The following BRSK2 variants were observed in gnomAD, a reference collection of about 807,000 sequenced individuals.
BRSK2 encodes the protein serine/threonine-protein kinase BRSK2.
In BRSK2, 19 loss-of-function variants were observed where a neutral mutation model predicts 83.3. The ratio of observed to expected loss-of-function variants is 0.23; its 90% CI spans 0.16 to 0.33. The LOEUF is 0.33. BRSK2 is among the 10% of genes least tolerant of loss of function. The probability of loss-of-function intolerance (pLI) is 1.00; values close to 1 mark genes in which losing one functional copy is unlikely to be tolerated. For missense variants in BRSK2, 798 were observed against 1,042.3 expected (o/e 0.77, Z 3.23); for synonymous variants, 519 against 435.4 (o/e 1.19, Z -2.39).
intron 1 of BRSK2, among the ~76,000 whole-genome samples, chr11:1,401,737 G>A (rs1777397454): frequency 1.3e-5 from 2 of 152,238 alleles, no homozygotes; most frequent in Admixed American, 6.5e-5. Context: ...GAGGAGGAAA[G>A]GACCTTATGC....
chr11:1,394,539 C>T (rs1845938144), intron 1 of BRSK2, among the ~76,000 whole-genome samples: 2 of 59,500 alleles, frequency 3.4e-5, no homozygotes, highest in African/African-American at 7.1e-5. Context: ...TGGAGATGGG[C>T]CATGGAGATG....
intron 18 of BRSK2, 85 bp from the exon 19 acceptor site, chr11:1,459,107 C>T: frequency 7.2e-7 from 1 of 1,383,486 alleles, no homozygotes; most frequent in East Asian, 2.3e-5. Context: ...CACCCCCTCC[C>T]CATCGAGGCT....
At chr11:1,421,092 G>A (rs1002843244) in intron 1 of BRSK2, among the ~76,000 whole-genome samples, 3 of 152,168 alleles carry the variant, frequency 2.0e-5, no homozygotes. Context: ...GGCTGCCTGT[G>A]GGCTCCTGGC....
At chr11:1,396,244 C>T (rs1458904434) in intron 1 of BRSK2, among the ~76,000 whole-genome samples, 4 of 129,096 alleles carry the variant, frequency 3.1e-5, no homozygotes, top group Non-Finnish European at 4.9e-5. Context: ...ACCCACGTCC[C>T]CCACTCCTGG....
At chr11:1,391,575 G>A (rs993545283) in intron 1 of BRSK2, among the ~76,000 whole-genome samples, 5 of 152,154 alleles carry the variant, frequency 3.3e-5, no homozygotes, top group Admixed American at 6.5e-5. Flanking sequence ...ACAGCCTTCC[G>A]CCACCCGCCA....
intron 18 of BRSK2, among the ~76,000 whole-genome samples, chr11:1,458,308 C>T (rs1429994422): frequency 2.6e-5 from 4 of 152,138 alleles, no homozygotes; most frequent in African/African-American, 9.7e-5. Flanking sequence ...CAACTCCAAG[C>T]CCCTCTCCAT....
Position 1,447,126 on chromosome 11 carries a change from G to C in BRSK2, c.1226+1219G>C, listed in dbSNP as rs543647130. ...TTCCAACGTGGGGTCCCAGCCCCCA[G>C]AACCTCCTTCCCAGGGCCCAGTCAG... is the stretch of plus-strand genomic sequence containing the variant. On this transcript the variant is annotated intron_variant, in intron 12 of 19. Transcript: ENST00000528841. Among the ~76,000 whole-genome samples the C allele has an allele frequency of 5.9e-5, 9 of 152,114 alleles. No individual in the cohort carries two copies. The South Asian group carries it at 1.9e-3, about 32-fold the overall frequency.
intron 1 of BRSK2, among the ~76,000 whole-genome samples, chr11:1,393,742 C>A (rs1314730023): frequency 1.3e-5 from 2 of 152,110 alleles, no homozygotes; most frequent in African/African-American, 2.4e-5. Flanking sequence ...CTGGGGGTGA[C>A]CCCAGGCCCA....
rs1845739996 is a variant in BRSK2 at position 1,450,893 on chromosome 11, C to T, written c.1495+99C>T. 2.5e-6 allele frequency: 3 copies of T among 1,210,618 alleles called. No individual in the cohort carries two copies. The South Asian group carries it at 4.8e-5, about 19-fold the overall frequency. The allele number at this position is 1,210,618 out of a possible 1,614,324, so 75.0% of individuals were successfully genotyped here. On this transcript the variant is annotated intron_variant, in intron 14 of 19. Coordinates refer to ENST00000528841, the MANE Select transcript of BRSK2 (RefSeq NM_001256627.2). ...GCAGTGCCAGACCAGTCCGAGGGGCCTGTAGCTGCAGGGGTGGCCTGGGCC... is the reference window on the plus strand; with the variant it reads ...GCAGTGCCAGACCAGTCCGAGGGGCTTGTAGCTGCAGGGGTGGCCTGGGCC...
In BRSK2 at chr11:1,461,308, G is replaced by A. The variant is rs1847473829; in HGVS notation, c.*585G>A. 4.5e-6 allele frequency: 2 copies of A among 439,564 alleles called. No homozygotes were observed. The highest frequency in any genetic ancestry group is 2.5e-5 in the South Asian group (1 of 39,302). 27.2% of individuals were successfully genotyped at this position (439,564 alleles called of 1,614,324 possible). A position where few individuals can be genotyped will look rare whatever the true frequency, so the allele number is the denominator to read the frequency against. The stretch of plus-strand genomic sequence containing the variant: ...AGGCCCCGTCCACCGCCTCCACGCC[G>A]CACCTGGAGGCCTCCTCGCAGGCCC... On this transcript the variant is annotated 3_prime_UTR_variant, in exon 20 of 20. Transcript: ENST00000528841.
At chr11:1,456,300 G>C in intron 16 of BRSK2, 48 bp from the exon 17 acceptor site, 1 of 1,502,418 alleles carries the variant, frequency 6.7e-7, no homozygotes, top group Non-Finnish European at 8.9e-7. Context: ...AGAGGGCCAG[G>C]GTGGGACCTG....
chr11:1,447,085 T>G (rs1852249435), intron 12 of BRSK2, among the ~76,000 whole-genome samples: 1 of 151,706 alleles, frequency 6.6e-6, no homozygotes, highest in Non-Finnish European at 1.5e-5. Context: ...TCCCCAGGGT[T>G]TCAGGCTGGC....
At chr11:1,400,639 C>T (rs1846413392) in intron 1 of BRSK2, among the ~76,000 whole-genome samples, 2 of 151,392 alleles carry the variant, frequency 1.3e-5, no homozygotes, top group Admixed American at 1.3e-4. Flanking sequence ...CTGTGTGTCA[C>T]ACACGTGCAG....
chr11:1,450,960 G>C (rs571985065), intron 14 of BRSK2, among the ~76,000 whole-genome samples, 166 bp downstream of exon 14: 2 of 152,220 alleles, frequency 1.3e-5, no homozygotes, highest in African/African-American at 2.4e-5. Context: ...GCAGCAGCCT[G>C]TGTCCTACCT....
At chr11:1,446,334 C>T (rs960520040) in intron 12 of BRSK2, among the ~76,000 whole-genome samples, 3 of 128,214 alleles carry the variant, frequency 2.3e-5, no homozygotes, top group African/African-American at 9.3e-5. Flanking sequence ...TGGGCTGAGA[C>T]GGATTTGACT....
chr11:1,455,557 C>T (rs1447656899), intron 16 of BRSK2, among the ~76,000 whole-genome samples: 3 of 152,030 alleles, frequency 2.0e-5, no homozygotes, highest in Non-Finnish European at 2.9e-5. Flanking sequence ...CTTGGAGCCC[C>T]TGCAGAAGGC....
intron 1 of BRSK2, among the ~76,000 whole-genome samples, chr11:1,425,309 G>A (rs1313504355): frequency 6.6e-6 from 1 of 152,184 alleles, no homozygotes; most frequent in South Asian, 2.1e-4. Context: ...CTTCCTGGGG[G>A]GTCCCGCAGG....
rs1293088344 is a variant in BRSK2 at position 1,456,366 on chromosome 11, A to C, written c.1687A>C (p.Ser563Arg). 1 of 1,575,356 alleles carries C rather than the reference A, an allele frequency of 6.3e-7. No homozygotes were observed. Residue 563 changes from serine to arginine, a missense_variant, in exon 17 of 20, where the codon AGC becomes CGC. Coordinates refer to ENST00000528841, the MANE Select transcript of BRSK2 (RefSeq NM_001256627.2). Reference protein sequence around the residue: ...AFLSIPSLSHSVISQTSFRAE... With the variant: ...AFLSIPSLSHRVISQTSFRAE... ...TCCACAGATTCCCAGTCTCAGCCAC[A>C]GCGTCATCTCCCAAACGAGCTTCCG...
intron 1 of BRSK2, among the ~76,000 whole-genome samples, chr11:1,422,515 T>C (rs892424560): frequency 2.0e-5 from 3 of 152,070 alleles, no homozygotes; most frequent in Non-Finnish European, 2.9e-5. Context: ...GAGGGGCCTG[T>C]GCACCTCCTG....
Sources: allele counts gnomAD v4.1 joint callset (sites outside exome capture counted in the v4.1 genomes callset), GRCh38; gene constraint gnomAD v4.1.1; transcripts MANE v1.5; gene names NCBI Gene and HGNC (gene_info 2026-07-23, HGNC 2026-07-21).